The following UMODL1 variants were observed in gnomAD, a reference collection of about 807,000 sequenced individuals.
The protein encoded by UMODL1 is uromodulin like 1, also known as uromodulin-like 1.
A neutral mutation model predicts 136.3 loss-of-function variants in UMODL1; 128 were observed. That is an observed-to-expected ratio of 0.94 (90% CI 0.81 to 1.09). The LOEUF is 1.09. Among genes scored for constraint, UMODL1 ranks in the 50% least tolerant of loss-of-function variants. The probability of loss-of-function intolerance (pLI) is 0.00; values close to 1 mark genes in which losing one functional copy is unlikely to be tolerated. For missense variants in UMODL1, 1,766 were observed against 1,725.6 expected (o/e 1.02, Z -0.41); for synonymous variants, 721 against 720.0 (o/e 1.00, Z -0.02).
rs1023909996 is a variant in UMODL1 at position 42,115,869 on chromosome 21, G to A, written c.2363-4G>A. 3.7e-6 allele frequency: 6 copies of A among 1,612,712 alleles called. No individual in the cohort carries two copies. In the African/African-American group the frequency reaches 8.0e-5, roughly 22 times the overall value. On this transcript the variant is annotated splice_region_variant and splice_polypyrimidine_tract_variant and intron_variant, in intron 13 of 22. Coordinates refer to ENST00000408910, the MANE Select transcript of UMODL1 (RefSeq NM_001004416.3). Reference sequence around the variant, plus strand: ...TCCAAATGTGCTTATCCTCCATCCTGCAGCAGCCCGGAAGCTCATTGGAAA... The same window carrying A: ...TCCAAATGTGCTTATCCTCCATCCTACAGCAGCCCGGAAGCTCATTGGAAA...
upstream of UMODL1, among the ~76,000 whole-genome samples, chr21:42,067,730 G>A (rs113797722): frequency 0.038 from 5,739 of 152,216 alleles, 293 homozygotes; most frequent in African/African-American, 0.12. Flanking sequence ...GTGTCTCTTC[G>A]CCTTCCGATC....
chr21:42,102,064 T>TA (rs1200864848), intron 7 of UMODL1, 102 bp from the exon 8 acceptor site: 25 of 809,212 alleles, frequency 3.1e-5, no homozygotes, highest in Admixed American at 5.4e-5. Flanking sequence ...CTCAATCTAT[T>TA]AAAAAAAATT....
intron 22 of UMODL1, among the ~76,000 whole-genome samples, chr21:42,138,260 C>T (rs976224524): frequency 6.6e-6 from 1 of 152,182 alleles, no homozygotes; most frequent in African/African-American, 2.4e-5. Flanking sequence ...TGGGGTCTGA[C>T]GCCCTCAATT....
At chr21:42,098,663 G>A (rs1014290552) in intron 6 of UMODL1, among the ~76,000 whole-genome samples, 4 of 152,192 alleles carry the variant, frequency 2.6e-5, no homozygotes, top group African/African-American at 9.7e-5. Flanking sequence ...AGCTACTCGG[G>A]AGGCTGAGGC....
At chr21:42,112,188 C>T (rs1046445109) in intron 12 of UMODL1, among the ~76,000 whole-genome samples, 1 of 151,752 alleles carries the variant, frequency 6.6e-6, no homozygotes, top group East Asian at 1.9e-4. Flanking sequence ...GTCACCCTGC[C>T]AAGCATTCTG....
intron 9 of UMODL1, chr21:42,108,363 C>T (rs1298180801): frequency 1.9e-6 from 1 of 523,242 alleles, no homozygotes; most frequent in South Asian, 1.4e-5. Context: ...GTTCTGATGG[C>T]AAGGCAGCCC....
rs1236201994 is a variant in UMODL1 at position 42,123,313 on chromosome 21, C to T, written c.3147+163C>T. ...GAGTTCTCAACCAGGGACCAGCCTGCACCCCAGAATCGGAAGGGAGCTGTG... is the reference window on the plus strand; with the variant it reads ...GAGTTCTCAACCAGGGACCAGCCTGTACCCCAGAATCGGAAGGGAGCTGTG... On this transcript the variant is annotated intron_variant, in intron 17 of 22. Coordinates refer to ENST00000408910, the MANE Select transcript of UMODL1 (RefSeq NM_001004416.3). The surrounding 1 kb of genome is among the most constrained non-coding windows in gnomAD (Gnocchi z 4.4). Among the ~76,000 whole-genome samples, 1 of 152,180 alleles carries T rather than the reference C, an allele frequency of 6.6e-6. No individual in the cohort carries two copies. Among genetic ancestry groups the T allele is most frequent in the Non-Finnish European group, 1.5e-5 (1 of 68,032 alleles).
At chr21:42,129,630 A>T in intron 20 of UMODL1, 83 bp from the exon 21 acceptor site, 1 of 1,289,940 alleles carries the variant, frequency 7.8e-7, no homozygotes, top group Non-Finnish European at 1.1e-6. Context: ...CATACATCAC[A>T]TTAGCATCCT....
At chr21:42,125,030 G>A (rs80117739) in intron 17 of UMODL1, among the ~76,000 whole-genome samples, 6,823 of 152,160 alleles carry the variant, frequency 0.045, 225 homozygotes, top group East Asian at 0.18. Flanking sequence ...GAGCCTTGAG[G>A]GGGTGCTGCT....
At chr21:42,137,295 A>G in intron 21 of UMODL1, 144 bp from the exon 22 acceptor site, 1 of 1,023,270 alleles carries the variant, frequency 9.8e-7, no homozygotes, top group Admixed American at 2.1e-5. Flanking sequence ...CAGCTTTGGT[A>G]ACCCACAGGC....
chr21:42,135,977 A>C lies in UMODL1; in HGVS notation c.3776-1462A>C, dbSNP rs142215925. On this transcript the variant is annotated intron_variant, in intron 21 of 22. Transcript: ENST00000408910. ...CTCAGATGCTCCTGGTTGCACAGAA[A>C]GGCTGTTTCCAATGCAGACCTTCCT... 4.0e-3 allele frequency among the ~76,000 whole-genome samples: 610 copies of C among 152,258 alleles called. 5 individuals carry two copies. Among genetic ancestry groups the C allele is most frequent in the African/African-American group, 0.014 (567 of 41,520 alleles).
Position 42,127,051 on chromosome 21 carries a change from T to A in UMODL1, c.3339T>A (p.Val1113=). 6.2e-7 allele frequency: 1 copy of A among 1,614,180 alleles called. No homozygotes were observed. Among genetic ancestry groups the A allele is most frequent in the Non-Finnish European group, 8.5e-7 (1 of 1,180,032 alleles). Residue 1113 remains valine, a synonymous_variant, in exon 19 of 23, where the codon GTT becomes GTA. Transcript: ENST00000408910. ...ACCTCCACGGCGCTGGGAATTTTGTTACCGAAATGCAGTTGTTTATCGGAG... is the reference window on the plus strand; with the variant it reads ...ACCTCCACGGCGCTGGGAATTTTGTAACCGAAATGCAGTTGTTTATCGGAG... ...IEDLHGAGNF[V]TEMQLFIGDS...
chr21:42,098,103 G>A (rs1432075138), intron 6 of UMODL1, among the ~76,000 whole-genome samples: 1 of 152,198 alleles, frequency 6.6e-6, no homozygotes, highest in African/African-American at 2.4e-5. Context: ...TTGTAGATGT[G>A]GCACAGAAAC....
intron 2 of UMODL1, among the ~76,000 whole-genome samples, chr21:42,077,013 GT>G (rs1248296712): frequency 2.8e-5 from 2 of 72,338 alleles, no homozygotes; most frequent in Non-Finnish European, 5.2e-5. Context: ...GTGTGTGTGT[GT>G]GTGTGTGTGT....
rs140648025 is a variant in UMODL1 at position 42,133,504 on chromosome 21, C to T, written c.3775+3707C>T. ...CACCCCAGCCCTCACATCACACTCA[C>T]GATGTCTTGGCACCACCACAACAAA... is the stretch of plus-strand genomic sequence containing the variant. On this transcript the variant is annotated intron_variant, in intron 21 of 22. Transcript: ENST00000408910. Among the ~76,000 whole-genome samples, 78 of 152,332 alleles carry T rather than the reference C, an allele frequency of 5.1e-4. 1 individual carries two copies. Among genetic ancestry groups the T allele is most frequent in the African/African-American group, 1.7e-3 (72 of 41,584 alleles).
chr21:42,115,442 G>A (rs2066890409), intron 13 of UMODL1, among the ~76,000 whole-genome samples: 1 of 152,238 alleles, frequency 6.6e-6, no homozygotes, highest in Non-Finnish European at 1.5e-5. Flanking sequence ...CTGAGCAGAG[G>A]CCTGGCCAGG....
chr21:42,075,724 C>T (rs539724832), intron 1 of UMODL1, among the ~76,000 whole-genome samples: 29 of 152,338 alleles, frequency 1.9e-4, no homozygotes, highest in Non-Finnish European at 3.1e-4. Flanking sequence ...AGGAAGCATG[C>T]GTGGGGCCCA....
chr21:42,103,756 G>C (rs1416955966), intron 8 of UMODL1, 112 bp from the exon 9 acceptor site: 1 of 1,279,626 alleles, frequency 7.8e-7, no homozygotes, highest in Non-Finnish European at 1.1e-6. Context: ...GCCTCCTCTT[G>C]ATTGTAGAGG....
In UMODL1 at chr21:42,121,196, T is replaced by A; in HGVS notation, c.2799T>A (p.Pro933=). The change falls in exon 16 of 23, where the codon CCT becomes CCA. Residue 933 remains proline (P), a synonymous_variant. Coordinates refer to ENST00000408910, the MANE Select transcript of UMODL1 (RefSeq NM_001004416.3). Reference sequence around the variant, plus strand: ...GCGAGGGAGGAGCCCCCGACTTCCCTGTGGAATATTCTGAGAGACCCTGTG... The same window carrying A: ...GCGAGGGAGGAGCCCCCGACTTCCCAGTGGAATATTCTGAGAGACCCTGTG... The part of the protein sequence containing the change: ...CSCEGGAPDF[P]VEYSERPCEG... 2 of 1,613,950 alleles carry A rather than the reference T, an allele frequency of 1.2e-6. No individual in the cohort carries two copies. Among genetic ancestry groups the A allele is most frequent in the Non-Finnish European group, 1.7e-6 (2 of 1,179,926 alleles).
Sources: gnomAD v4.1 joint callset for allele counts (sites outside exome capture counted in the v4.1 genomes callset) on GRCh38, gnomAD v4.1.1 for gene constraint, Gnocchi (gnomAD v3.1) non-coding constraint, MANE v1.5 for transcripts, NCBI Gene and HGNC (gene_info 2026-07-23, HGNC 2026-07-21) for gene names.